Variants in TRIM44 observed in about 807,000 individuals in gnomAD.
The protein encoded by TRIM44 is tripartite motif containing 44, also known as tripartite motif-containing protein 44.
TRIM44 carries 13 observed loss-of-function variants against 37.4 expected under a neutral mutation model. That is an observed-to-expected ratio of 0.35 (90% confidence interval 0.23 to 0.55). The LOEUF (loss-of-function observed/expected upper bound fraction) is 0.55, where lower values mean the gene tolerates loss of function less well. Ranked by LOEUF, TRIM44 falls within the 20% of genes least tolerant of loss-of-function variation. The pLI is 0.89. For synonymous variants in TRIM44, 175 were observed against 157.2 expected (o/e 1.11, Z -0.85); for missense variants, 426 against 437.2 (o/e 0.97, Z 0.23).
At chr11:35,703,065 T>A (rs1851816942) in intron 2 of TRIM44, among the ~76,000 whole-genome samples, 1 of 152,156 alleles carries the variant, frequency 6.6e-6, no homozygotes, top group South Asian at 2.1e-4. Flanking sequence ...AATACCGCGC[T>A]TTTCCGACGG....
intron 4 of TRIM44, among the ~76,000 whole-genome samples, chr11:35,746,201 G>A (rs1228827219): frequency 1.3e-5 from 2 of 152,156 alleles, no homozygotes; most frequent in African/African-American, 4.8e-5. Context: ...TTTTGGATTA[G>A]CACTAAGCAG....
intron 3 of TRIM44, among the ~76,000 whole-genome samples, chr11:35,731,983 C>G (rs892707013): frequency 6.6e-6 from 1 of 152,044 alleles, no homozygotes; most frequent in Non-Finnish European, 1.5e-5. Flanking sequence ...TTCAGACTGT[C>G]TATAGTGAGG....
intron 4 of TRIM44, among the ~76,000 whole-genome samples, chr11:35,741,104 A>G (rs1000211204): frequency 2.6e-5 from 4 of 152,104 alleles, no homozygotes; most frequent in South Asian, 2.1e-4. Context: ...CAGGAAGTCT[A>G]TCTGGAAGCT....
intron 2 of TRIM44, among the ~76,000 whole-genome samples, chr11:35,722,791 C>T (rs555260191): frequency 2.2e-4 from 33 of 152,272 alleles, no homozygotes; most frequent in Admixed American, 4.6e-4. Context: ...GGGAAGGCAG[C>T]CCAGTAGGTC....
chr11:35,761,275 A>G (rs1852722569), intron 4 of TRIM44, among the ~76,000 whole-genome samples: 1 of 152,172 alleles, frequency 6.6e-6, no homozygotes, highest in Non-Finnish European at 1.5e-5. Flanking sequence ...TCTATTTGAT[A>G]ATTATCTGTC....
chr11:35,721,346 A>G (rs1852104083), intron 2 of TRIM44, among the ~76,000 whole-genome samples: 1 of 152,238 alleles, frequency 6.6e-6, no homozygotes, highest in African/African-American at 2.4e-5. Context: ...TGAAAAAGAG[A>G]AAAGTACTTG....
chr11:35,729,831 C>G (rs929587755), intron 3 of TRIM44, among the ~76,000 whole-genome samples: 3 of 152,106 alleles, frequency 2.0e-5, no homozygotes, highest in Non-Finnish European at 2.9e-5. Context: ...TCATCATGTC[C>G]AGGATACAGA....
Position 35,809,442 on chromosome 11 carries a change from A to ATAGT in TRIM44, c.*3061_*3064dup, listed in dbSNP as rs1481888369. The stretch of plus-strand genomic sequence containing the variant: ...TTCTTCAAAATGACATTTCACAGTT[A>ATAGT]TAGTTAGGGCTCAGAAATGGCATTG... On this transcript the variant is annotated 3_prime_UTR_variant, in exon 5 of 5. Coordinates refer to ENST00000299413, the MANE Select transcript of TRIM44 (RefSeq NM_017583.6). The ATAGT allele has an allele frequency of 6.6e-6, 1 of 152,206 alleles. No individual in the cohort carries two copies. Among genetic ancestry groups the ATAGT allele is most frequent in the African/African-American group, 2.4e-5 (1 of 41,454 alleles). 9.4% of individuals were successfully genotyped at this position (152,206 alleles called of 1,614,324 possible).
intron 4 of TRIM44, among the ~76,000 whole-genome samples, chr11:35,778,609 T>A (rs903920371): frequency 2.0e-5 from 3 of 152,194 alleles, no homozygotes; most frequent in African/African-American, 7.2e-5. Flanking sequence ...CTACCTGTAG[T>A]CTTTGATGAT....
At chr11:35,742,615 TATTA>T (rs1229682140) in intron 4 of TRIM44, among the ~76,000 whole-genome samples, 4 of 133,192 alleles carry the variant, frequency 3.0e-5, no homozygotes, top group African/African-American at 5.7e-5. Context: ...ATATTAATTA[TATTA>T]ATTGTATTTT....
At chr11:35,788,563 G>A (rs1413424646) in intron 4 of TRIM44, among the ~76,000 whole-genome samples, 1 of 152,100 alleles carries the variant, frequency 6.6e-6, no homozygotes, top group East Asian at 1.9e-4. Context: ...TCTGGTTTTG[G>A]CCTCTAACAA....
At chr11:35,680,911 CAG>C (rs34808902) in intron 1 of TRIM44, among the ~76,000 whole-genome samples, 3,988 of 152,068 alleles carry the variant, frequency 0.026, 125 homozygotes, top group African/African-American at 0.073. Context: ...TTTTTTAAGA[CAG>C]GGTCTCGTTT....
chr11:35,663,183 C>G lies in TRIM44; in HGVS notation c.72C>G (p.Asp24Glu), dbSNP rs368966716. Residue 24 changes from aspartate to glutamate, a missense_variant, in exon 1 of 5, where the codon GAC (aspartate) becomes GAG (glutamate). Around this residue, in one of 2 missense-constraint regions of TRIM44, gnomAD observed 331 missense variants for 303.0 expected, o/e 1.09. Coordinates refer to ENST00000299413, the MANE Select transcript of TRIM44 (RefSeq NM_017583.6). ...HDGTCDECEP[D>E]EAPGAEEVCR... ...GCACGTGTGACGAGTGCGAGCCCGA[C>G]GAGGCTCCGGGGGCCGAGGAAGTGT... The G allele has an allele frequency of 4.4e-6, 7 of 1,580,682 alleles. No individual in the cohort carries two copies. Among genetic ancestry groups the G allele is most frequent in the Non-Finnish European group, 5.2e-6 (6 of 1,163,330 alleles).
chr11:35,717,682 T>C (rs555149376), intron 2 of TRIM44, among the ~76,000 whole-genome samples: 1 of 152,188 alleles, frequency 6.6e-6, no homozygotes, highest in Non-Finnish European at 1.5e-5. Flanking sequence ...GTTACAAAAC[T>C]GTGCCTCTGA....
At chr11:35,761,751 A>G (rs1852732470) in intron 4 of TRIM44, among the ~76,000 whole-genome samples, 1 of 152,248 alleles carries the variant, frequency 6.6e-6, no homozygotes, top group African/African-American at 2.4e-5. Context: ...TCATATCACT[A>G]TTGTAGACTT....
At chr11:35,734,706 T>C (rs1852308133) in intron 3 of TRIM44, among the ~76,000 whole-genome samples, 1 of 152,198 alleles carries the variant, frequency 6.6e-6, no homozygotes. Context: ...TCACTTCTGA[T>C]AAAGTTAGGT....
At chr11:35,753,559 C>A (rs1040788823) in intron 4 of TRIM44, among the ~76,000 whole-genome samples, 6 of 152,168 alleles carry the variant, frequency 3.9e-5, no homozygotes, top group African/African-American at 1.4e-4. Context: ...AGGAGCAGTT[C>A]TCTTAGGCAG....
intron 4 of TRIM44, among the ~76,000 whole-genome samples, chr11:35,791,230 G>A (rs1183198706): frequency 6.6e-6 from 1 of 152,142 alleles, no homozygotes; most frequent in Non-Finnish European, 1.5e-5. Flanking sequence ...TGCTGACGAT[G>A]TAATCACATT....
At position 35,814,743 on chromosome 11, in the gene TRIM44, TTC is replaced by T. The variant is rs955307245; in HGVS notation, c.*8362_*8363del. 1.3e-5 allele frequency: 2 copies of T among 152,184 alleles called. No individual in the cohort carries two copies. The highest frequency in any genetic ancestry group is 4.8e-5 in the African/African-American group (2 of 41,434). The allele number at this position is 152,184 out of a possible 1,614,324, so 9.4% of individuals were successfully genotyped here. On this transcript the variant is annotated 3_prime_UTR_variant, in exon 5 of 5. Transcript: ENST00000299413. ...ATGAGTTTTGTCACTTGCTATAACA[TTC>T]TCTGTCCGTCTTTTTTCTTTTATGT...
Sources: gnomAD v4.1 joint callset for allele counts (sites outside exome capture counted in the v4.1 genomes callset) on GRCh38, gnomAD v4.1.1 for gene constraint, gnomAD v4.1.1 regional missense constraint, MANE v1.5 for transcripts, NCBI Gene and HGNC (gene_info 2026-07-23, HGNC 2026-07-21) for gene names.